OGDH: variants seen among roughly 807,000 people sequenced by gnomAD.
OGDH encodes oxoglutarate dehydrogenase.
In OGDH, 38 loss-of-function variants were observed where a neutral mutation model predicts 116.6. The observed-to-expected ratio is 0.33, with a 90% CI of 0.25 to 0.43. The LOEUF (loss-of-function observed/expected upper bound fraction) is 0.43. Ranked by LOEUF, OGDH falls within the 20% of genes least tolerant of loss-of-function variation. The pLI, the probability that OGDH is intolerant of heterozygous loss-of-function variation, is 1.00. For synonymous variants in OGDH, 488 were observed against 533.3 expected, an observed-to-expected ratio of 0.92 and a Z score of 1.17; for missense variants, 825 against 1,357.2, an observed-to-expected ratio of 0.61 and a Z score of 6.16.
chr7:44,669,479 C>T (rs1440489901), intron 5 of OGDH, among the ~76,000 whole-genome samples: 1 of 151,934 alleles, frequency 6.6e-6, no homozygotes, highest in Non-Finnish European at 1.5e-5. Context: ...AACATGCTCT[C>T]ACATTGGAAA....
chr7:44,632,905 A>C (rs1409307212), intron 2 of OGDH, among the ~76,000 whole-genome samples: 1 of 151,688 alleles, frequency 6.6e-6, no homozygotes, highest in African/African-American at 2.4e-5. Flanking sequence ...ACTGTACTTT[A>C]AGAAAAAAAA....
At chr7:44,628,265 A>C (rs2117317028) in intron 2 of OGDH, among the ~76,000 whole-genome samples, 1 of 152,310 alleles carries the variant, frequency 6.6e-6, no homozygotes, top group South Asian at 2.1e-4. Context: ...CACCCAATAA[A>C]ATTAACAGGC....
intron 1 of OGDH, among the ~76,000 whole-genome samples, chr7:44,621,078 T>C (rs1333710477): frequency 6.6e-6 from 1 of 152,164 alleles, no homozygotes; most frequent in Non-Finnish European, 1.5e-5. Context: ...ATTTTGTTTG[T>C]TTGTTTGTTT....
intron 20 of OGDH, among the ~76,000 whole-genome samples, chr7:44,701,836 A>G (rs1023880292): frequency 6.6e-6 from 1 of 152,140 alleles, no homozygotes; most frequent in South Asian, 2.1e-4. Flanking sequence ...TGAGGTCAGG[A>G]GTTCGAGGGC....
In OGDH at chr7:44,697,822, G is replaced by A. The variant is rs1480582496; in HGVS notation, c.2358+40G>A. 1.3e-6 allele frequency: 2 copies of A among 1,593,898 alleles called. No homozygotes were observed. The highest frequency in any genetic ancestry group is 1.7e-6 in the Non-Finnish European group (2 of 1,170,760). ...CTTCCCTGCCAGACCTAGGACTTGGGAAGGGCCTGTGTAGGACCCTGACCC... is the reference window on the plus strand; with the variant it reads ...CTTCCCTGCCAGACCTAGGACTTGGAAAGGGCCTGTGTAGGACCCTGACCC... On this transcript the variant is annotated intron_variant, in intron 17 of 22. Transcript: ENST00000222673. This position sits in a 1 kb window ranked among gnomAD's most constrained non-coding sequence, Gnocchi z 6.0.
intron 20 of OGDH, among the ~76,000 whole-genome samples, chr7:44,705,485 A>C (rs911100827): frequency 2.0e-5 from 3 of 152,086 alleles, no homozygotes; most frequent in African/African-American, 7.2e-5. Flanking sequence ...TCTGAGTTTT[A>C]TAGTTTTTGC....
At chr7:44,654,643 G>A (rs1039195854) in intron 4 of OGDH, among the ~76,000 whole-genome samples, 1 of 152,170 alleles carries the variant, frequency 6.6e-6, no homozygotes, top group Admixed American at 6.5e-5. Context: ...GGAGGGCGGG[G>A]CCAAGCTAAG....
intron 4 of OGDH, among the ~76,000 whole-genome samples, chr7:44,650,020 C>CT (rs1455633807): frequency 6.6e-6 from 1 of 152,184 alleles, no homozygotes; most frequent in Non-Finnish European, 1.5e-5. Context: ...AGGAAAACTT[C>CT]TGACATCTCT....
Position 44,658,042 on chromosome 7 carries a change from A to G in OGDH, c.518-8694A>G, listed in dbSNP as rs76314909. Among the ~76,000 whole-genome samples the G allele has an allele frequency of 5.7e-3, 874 of 152,300 alleles. 10 individuals carry two copies. The highest frequency in any genetic ancestry group is 0.019 in the African/African-American group (797 of 41,570). On this transcript the variant is annotated intron_variant, in intron 4 of 22. Coordinates refer to ENST00000222673, the MANE Select transcript of OGDH (RefSeq NM_002541.4). ...CCACAGTGTCTTGATTACTGTAGCT[A>G]CTAAACTTTATTTTTCATTTACAAA...
chr7:44,662,601 T>C (rs1304471454), intron 4 of OGDH, among the ~76,000 whole-genome samples: 2 of 152,182 alleles, frequency 1.3e-5, no homozygotes, highest in Non-Finnish European at 2.9e-5. Context: ...TAGCTGGGAT[T>C]ACAGGCACGC....
intron 10 of OGDH, among the ~76,000 whole-genome samples, chr7:44,690,929 A>T (rs1409918728): frequency 6.6e-6 from 1 of 151,360 alleles, no homozygotes; most frequent in Non-Finnish European, 1.5e-5. Context: ...GCTCTGATAC[A>T]CCATTTTTTT....
At chr7:44,675,362 GGT>G in intron 8 of OGDH, 94 bp downstream of exon 8, 1 of 1,025,050 alleles carries the variant, frequency 9.8e-7, no homozygotes, top group Non-Finnish European at 1.5e-6. Flanking sequence ...ACGGGGGGTT[GGT>G]TCTTCTGTAC....
Position 44,681,794 on chromosome 7 carries a change from C to T in OGDH, c.1281C>T (p.Ser427=), listed in dbSNP as rs760446957. 1.3e-5 allele frequency: 21 copies of T among 1,613,998 alleles called. No individual in the cohort carries two copies. Among genetic ancestry groups the T allele is most frequent in the East Asian group, 2.2e-5 (1 of 44,896 alleles). The change falls in exon 10 of 23, where the codon AGC becomes AGT. Residue 427 remains serine, a synonymous_variant. Coordinates refer to ENST00000222673, the MANE Select transcript of OGDH (RefSeq NM_002541.4). ...TTGTGTACGAGACCTTCCACCTCAG[C>T]GACCTGCCATCCTACACAACTCATG... ...QGIVYETFHL[S]DLPSYTTHGT...
chr7:44,646,319 G>A, intron 3 of OGDH, among the ~76,000 whole-genome samples: 1 of 152,228 alleles, frequency 6.6e-6, no homozygotes, highest in South Asian at 2.1e-4. Context: ...GGGGACTCAT[G>A]TCCCTGGGCT....
chr7:44,611,515 T>A (rs1463821947), intron 1 of OGDH, among the ~76,000 whole-genome samples: 1 of 151,314 alleles, frequency 6.6e-6, no homozygotes, highest in Non-Finnish European at 1.5e-5. Context: ...GACCTCGTGA[T>A]CCCCCCCGCC....
Position 44,697,900 on chromosome 7 carries a change from TGG to T in OGDH, c.2358+119_2358+120del. 8.2e-7 allele frequency: 1 copy of T among 1,225,292 alleles called. No individual in the cohort carries two copies. The highest frequency in any genetic ancestry group is 1.1e-6 in the Non-Finnish European group (1 of 897,486). The allele number at this position is 1,225,292 out of a possible 1,614,324, so 75.9% of individuals were successfully genotyped here. ...CACACCAGCCTCCTAAGGACTCTGC[TGG>T]TGCTTCCCATCCATCTCAGATGGGA... On this transcript the variant is annotated intron_variant, in intron 17 of 22. Transcript: ENST00000222673. This position sits in a 1 kb window ranked among gnomAD's most constrained non-coding sequence, Gnocchi z 6.0.
intron 1 of OGDH, among the ~76,000 whole-genome samples, chr7:44,617,670 G>C (rs1457537250): frequency 6.6e-6 from 1 of 152,120 alleles, no homozygotes; most frequent in Non-Finnish European, 1.5e-5. Flanking sequence ...AACAGCCATA[G>C]GTCTGTAGCA....
chr7:44,688,864 C>T (rs1389651417), intron 10 of OGDH, among the ~76,000 whole-genome samples: 1 of 152,106 alleles, frequency 6.6e-6, no homozygotes, highest in Non-Finnish European at 1.5e-5. Flanking sequence ...ATTCTAGTGC[C>T]TGAACCTCCC....
At chr7:44,687,091 ATT>A (rs59074567) in intron 10 of OGDH, among the ~76,000 whole-genome samples, 1 of 95,536 alleles carries the variant, frequency 1.0e-5, no homozygotes, top group Non-Finnish European at 2.0e-5. Flanking sequence ...ATTTTTTTTA[ATT>A]TTTTTTTTTT....
Sources: allele counts gnomAD v4.1 joint callset (sites outside exome capture counted in the v4.1 genomes callset), GRCh38; gene constraint gnomAD v4.1.1; non-coding constraint Gnocchi (gnomAD v3.1); transcripts MANE v1.5; gene names NCBI Gene and HGNC (gene_info 2026-07-23, HGNC 2026-07-21).